Variants in CADPS2 observed in about 807,000 individuals in gnomAD.
CADPS2 encodes calcium-dependent secretion activator 2.
CADPS2 carries 93 observed loss-of-function variants against 172.5 expected under a neutral mutation model. The observed-to-expected ratio is 0.54, with a 90% CI of 0.46 to 0.64. The LOEUF (loss-of-function observed/expected upper bound fraction) is 0.64. Among genes scored for constraint, CADPS2 ranks in the 30% least tolerant of loss-of-function variants. The pLI is 0.00. For missense variants in CADPS2, 1,420 were observed against 1,565.9 expected, an observed-to-expected ratio of 0.91 and a Z score of 1.57; for synonymous variants, 546 against 555.2, an observed-to-expected ratio of 0.98 and a Z score of 0.23.
chr7:122,435,846 C>T (rs545959295), intron 17 of CADPS2, among the ~76,000 whole-genome samples: 1 of 152,084 alleles, frequency 6.6e-6, no homozygotes, highest in South Asian at 2.1e-4. Flanking sequence ...AAATTTCTGG[C>T]TTAATAGTAA....
intron 8 of CADPS2, among the ~76,000 whole-genome samples, chr7:122,516,401 A>G (rs1035019629): frequency 6.6e-6 from 1 of 152,020 alleles, no homozygotes; most frequent in Admixed American, 6.6e-5. Context: ...AGCTGGATGC[A>G]GTGGTACACA....
At chr7:122,815,807 A>G (rs1801195665) in intron 1 of CADPS2, among the ~76,000 whole-genome samples, 1 of 152,200 alleles carries the variant, frequency 6.6e-6, no homozygotes, top group African/African-American at 2.4e-5. Flanking sequence ...TCATTTTGCT[A>G]AAGAATTAAC....
rs1008138700 is a variant in CADPS2, at chr7:122,591,923, A to G, written c.1224-10633T>C. On this transcript the variant is annotated intron_variant, in intron 6 of 29. Transcript: ENST00000449022. ...AGGAAATACCATTCAGGACATAGGCATGGACAAGGACTTCATGTCTAAAAC... is the reference window on the plus strand; with the variant it reads ...AGGAAATACCATTCAGGACATAGGCGTGGACAAGGACTTCATGTCTAAAAC... Among the ~76,000 whole-genome samples the G allele has an allele frequency of 7.2e-5, 11 of 152,074 alleles. 1 individual carries two copies. The highest frequency in any genetic ancestry group is 1.2e-4 in the African/African-American group (5 of 41,430).
intron 2 of CADPS2, among the ~76,000 whole-genome samples, chr7:122,703,779 G>C (rs1422474953): frequency 6.6e-6 from 1 of 152,074 alleles, no homozygotes; most frequent in African/African-American, 2.4e-5. Context: ...AAAGAAGATA[G>C]TGGCTTGGAC....
Position 122,602,254 on chromosome 7 carries a change from G to A in CADPS2, c.1223+12927C>T, listed in dbSNP as rs1384344354. Reference sequence around the variant, plus strand: ...ATTACCTCATTTGAATGTGTGAGATGGGAGGTGTAGGGCATACATTTAAAA... The same window carrying A: ...ATTACCTCATTTGAATGTGTGAGATAGGAGGTGTAGGGCATACATTTAAAA... On this transcript the variant is annotated intron_variant, in intron 6 of 29. Coordinates refer to ENST00000449022, the MANE Select transcript of CADPS2 (RefSeq NM_017954.11). Among the ~76,000 whole-genome samples, 4 of 151,798 alleles carry A rather than the reference G, an allele frequency of 2.6e-5. No individual in the cohort carries two copies. The East Asian group carries it at 7.8e-4, about 29-fold the overall frequency.
At chr7:122,841,891 G>A (rs946688961) in intron 1 of CADPS2, among the ~76,000 whole-genome samples, 10 of 152,274 alleles carry the variant, frequency 6.6e-5, no homozygotes, top group East Asian at 1.9e-4. Context: ...AAGTTCCAGC[G>A]TGACCACTCA....
intron 1 of CADPS2, among the ~76,000 whole-genome samples, chr7:122,834,525 C>T (rs1438183438): frequency 1.3e-5 from 2 of 152,172 alleles, no homozygotes; most frequent in Non-Finnish European, 2.9e-5. Flanking sequence ...TAAGGGAATT[C>T]CCTTTCCTAG....
intron 2 of CADPS2, among the ~76,000 whole-genome samples, chr7:122,728,089 T>C (rs1396901462): frequency 6.6e-6 from 1 of 151,934 alleles, no homozygotes; most frequent in Non-Finnish European, 1.5e-5. Context: ...GTTTAAAAGG[T>C]ATTTAGACAG....
At chr7:122,475,992 A>T (rs1313332415) in intron 12 of CADPS2, among the ~76,000 whole-genome samples, 1 of 152,146 alleles carries the variant, frequency 6.6e-6, no homozygotes, top group Non-Finnish European at 1.5e-5. Context: ...TTTGCATTTT[A>T]TTCTTCTGAG....
chr7:122,700,111 C>A (rs2085788684), intron 2 of CADPS2, among the ~76,000 whole-genome samples: 1 of 152,124 alleles, frequency 6.6e-6, no homozygotes, highest in South Asian at 2.1e-4. Context: ...TCACAAGCAG[C>A]CACGCTGCTA....
chr7:122,393,034 T>C (rs770860859), intron 22 of CADPS2, among the ~76,000 whole-genome samples, 162 bp downstream of exon 22: 7 of 151,852 alleles, frequency 4.6e-5, no homozygotes, highest in Admixed American at 1.3e-4. Flanking sequence ...ACAGATATGC[T>C]AAGCTTAGCT....
In CADPS2 at chr7:122,529,985, CTTACT is replaced by C. The variant is rs1405461538; in HGVS notation, c.1476-16675_1476-16671del. On this transcript the variant is annotated intron_variant, in intron 8 of 29. Coordinates refer to ENST00000449022, the MANE Select transcript of CADPS2 (RefSeq NM_017954.11). ...ACAATTAGAAAACTGGCATGAAAAA[CTTACT>C]TTAGACTCTATAAGACATATTTTGG... Among the ~76,000 whole-genome samples the C allele has an allele frequency of 3.3e-5, 5 of 152,134 alleles. No individual in the cohort carries two copies. In the East Asian group the frequency reaches 9.7e-4, roughly 29 times the overall value.
intron 1 of CADPS2, among the ~76,000 whole-genome samples, chr7:122,757,027 A>T (rs1477221747): frequency 6.6e-6 from 1 of 152,190 alleles, no homozygotes; most frequent in Non-Finnish European, 1.5e-5. Flanking sequence ...TGACAATGAT[A>T]AGTGTGAGTG....
intron 2 of CADPS2, among the ~76,000 whole-genome samples, chr7:122,722,857 G>A (rs1032740010): frequency 2.0e-5 from 3 of 151,820 alleles, no homozygotes; most frequent in African/African-American, 4.8e-5. Flanking sequence ...ACAGAATAGA[G>A]CCCTCAGAAA....
intron 11 of CADPS2, among the ~76,000 whole-genome samples, chr7:122,481,236 G>A (rs1040393218): frequency 1.3e-5 from 2 of 148,950 alleles, no homozygotes; most frequent in Admixed American, 6.8e-5. Flanking sequence ...TGCGAACGTG[G>A]CTCACTGCAA....
At chr7:122,583,553 G>C (rs1440622935) in intron 6 of CADPS2, among the ~76,000 whole-genome samples, 2 of 151,040 alleles carry the variant, frequency 1.3e-5, no homozygotes, top group Non-Finnish European at 3.0e-5. Flanking sequence ...ATATTTATTA[G>C]ACACACACAT....
chr7:122,429,897 A>C (rs577866301), intron 17 of CADPS2, among the ~76,000 whole-genome samples: 82 of 152,266 alleles, frequency 5.4e-4, no homozygotes, highest in African/African-American at 1.9e-3. Context: ...TTTTTAATAA[A>C]CACGTGGCCT....
At chr7:122,736,657 T>C (rs1274898286) in intron 2 of CADPS2, among the ~76,000 whole-genome samples, 2 of 152,204 alleles carry the variant, frequency 1.3e-5, no homozygotes, top group Non-Finnish European at 2.9e-5. Context: ...AATTTAGACA[T>C]GTGGACCTAA....
chr7:122,522,409 C>T lies in CADPS2; in HGVS notation c.1476-9094G>A, dbSNP rs185323945. On this transcript the variant is annotated intron_variant, in intron 8 of 29. Coordinates refer to ENST00000449022, the MANE Select transcript of CADPS2 (RefSeq NM_017954.11). ...GGATTACAGGTGTGAGCCACTGCAT[C>T]TGGCCCCTTTTTATTAAAAAAAAAT... 2.5e-3 allele frequency among the ~76,000 whole-genome samples: 382 copies of T among 152,122 alleles called. 1 individual carries two copies. The highest frequency in any genetic ancestry group is 3.5e-3 in the Admixed American group (53 of 15,266).
Sources: allele counts gnomAD v4.1 joint callset (sites outside exome capture counted in the v4.1 genomes callset), GRCh38; gene constraint gnomAD v4.1.1; transcripts MANE v1.5; gene names NCBI Gene and HGNC (gene_info 2026-07-23, HGNC 2026-07-21).